Variants in WDR37 observed in about 807,000 individuals in gnomAD.
The protein encoded by WDR37 is WD repeat-containing protein 37.
In WDR37, 19 loss-of-function variants were observed where a neutral mutation model predicts 62.9. The observed-to-expected ratio is 0.30, with a 90% confidence interval of 0.21 to 0.44. The LOEUF (loss-of-function observed/expected upper bound fraction) is 0.44, where lower values mean the gene tolerates loss of function less well. Among genes scored for constraint, WDR37 ranks in the 20% least tolerant of loss-of-function variants. The pLI is 1.00. For synonymous variants in WDR37, 250 were observed against 260.9 expected (o/e 0.96, Z 0.40); for missense variants, 474 against 657.6 (o/e 0.72, Z 3.05).
Position 1,130,748 on chromosome 10 carries a change from A to T in WDR37, c.*1404A>T, listed in dbSNP as rs1275167066. ...CTGTTTTACGGTGAGGTAGGAGGGA[A>T]CCCATCTGGGGACCGGTAGGTGCAG... On this transcript the variant is annotated 3_prime_UTR_variant, in exon 14 of 14. Transcript: ENST00000263150. 5 of 152,186 alleles carry T rather than the reference A, an allele frequency of 3.3e-5. No individual in the cohort carries two copies. The highest frequency in any genetic ancestry group is 1.3e-4 in the Admixed American group (2 of 15,292). 9.4% of individuals were successfully genotyped at this position (152,186 alleles called of 1,614,324 possible). A position where few individuals can be genotyped will look rare whatever the true frequency, so the allele number is the denominator to read the frequency against.
intron 11 of WDR37, among the ~76,000 whole-genome samples, chr10:1,115,713 C>G (rs1079390): frequency 6.6e-6 from 1 of 152,114 alleles, no homozygotes; most frequent in African/African-American, 2.4e-5. Context: ...CGCATGTGGT[C>G]TCTAAATCAG....
chr10:1,070,482 A>G (rs767716477), intron 1 of WDR37, among the ~76,000 whole-genome samples: 1 of 152,202 alleles, frequency 6.6e-6, no homozygotes, highest in Non-Finnish European at 1.5e-5. Context: ...GACATTTAGA[A>G]GAGATATTTA....
At chr10:1,084,258 C>T in intron 5 of WDR37, 145 bp from the exon 6 acceptor site, 1 of 1,098,100 alleles carries the variant, frequency 9.1e-7, no homozygotes, top group Non-Finnish European at 1.3e-6. Context: ...TTTCAGCTCA[C>T]ACTTGCGCTG....
rs530413939 is a variant in WDR37 at position 1,103,874 on chromosome 10, G to A, written c.961+38G>A. On this transcript the variant is annotated intron_variant, in intron 10 of 13. Coordinates refer to ENST00000263150, the MANE Select transcript of WDR37 (RefSeq NM_014023.4). This position sits in a 1 kb window ranked among gnomAD's most constrained non-coding sequence, Gnocchi z 6.3. Reference sequence around the variant, plus strand: ...TCTGAGTCCGCCGCCTCCTGGCTGTGCATGTTAGTTTATGTCCATGGGTTA... The same window carrying A: ...TCTGAGTCCGCCGCCTCCTGGCTGTACATGTTAGTTTATGTCCATGGGTTA... The A allele has an allele frequency of 4.4e-6, 7 of 1,599,952 alleles. No individual in the cohort carries two copies. The East Asian group carries it at 1.6e-4, about 36-fold the overall frequency.
At chr10:1,057,404 T>G (rs1399186684) in intron 1 of WDR37, among the ~76,000 whole-genome samples, 1 of 151,960 alleles carries the variant, frequency 6.6e-6, no homozygotes, top group Non-Finnish European at 1.5e-5. Flanking sequence ...GAAGTGCGTC[T>G]CCAGGGAAGC....
rs1308400349 is a variant in WDR37 at position 1,103,059 on chromosome 10, T to G, written c.727-543T>G. ...TATTTGTTGGATGAATATACAGATT[T>G]TCTTACAGAGCTGGCTGTAATGTGT... is the stretch of plus-strand genomic sequence containing the variant. On this transcript the variant is annotated intron_variant, in intron 9 of 13. Transcript: ENST00000263150. The surrounding 1 kb of genome is among the most constrained non-coding windows in gnomAD (Gnocchi z 6.3). Among the ~76,000 whole-genome samples, 7 of 152,260 alleles carry G rather than the reference T, an allele frequency of 4.6e-5. No individual in the cohort carries two copies. The East Asian group carries it at 1.3e-3, about 29-fold the overall frequency.
chr10:1,073,140 A>G (rs553121066), intron 2 of WDR37, among the ~76,000 whole-genome samples: 2 of 152,330 alleles, frequency 1.3e-5, no homozygotes, highest in South Asian at 4.1e-4. Context: ...GAATTTTTAA[A>G]GAGTGTTGTG....
At chr10:1,100,353 A>G (rs1313876853) in intron 9 of WDR37, among the ~76,000 whole-genome samples, 1 of 152,224 alleles carries the variant, frequency 6.6e-6, no homozygotes, top group Non-Finnish European at 1.5e-5. Flanking sequence ...GTGGACGGCC[A>G]GGTCCCTGCA....
chr10:1,103,515 G>T lies in WDR37; in HGVS notation c.727-87G>T. 7.2e-7 allele frequency: 1 copy of T among 1,386,730 alleles called. No homozygotes were observed. The highest frequency in any genetic ancestry group is 1.3e-5 in the South Asian group (1 of 79,186). 85.9% of individuals were successfully genotyped at this position (1,386,730 alleles called of 1,614,324 possible). On this transcript the variant is annotated intron_variant, in intron 9 of 13. Transcript: ENST00000263150. The surrounding 1 kb of genome is among the most constrained non-coding windows in gnomAD (Gnocchi z 6.3). Reference sequence around the variant, plus strand: ...ATGGATATGTCCTCAAGAGATTAATGAGAACCATCTATTTTGTAGCTATGT... The same window carrying T: ...ATGGATATGTCCTCAAGAGATTAATTAGAACCATCTATTTTGTAGCTATGT...
intron 1 of WDR37, among the ~76,000 whole-genome samples, chr10:1,060,569 T>C (rs547736783): frequency 5.9e-5 from 9 of 152,334 alleles, no homozygotes; most frequent in Admixed American, 4.6e-4. Flanking sequence ...AATAATTACG[T>C]TTTGGAATCT....
intron 5 of WDR37, among the ~76,000 whole-genome samples, chr10:1,080,834 A>C (rs936074723): frequency 6.6e-6 from 1 of 151,562 alleles, no homozygotes; most frequent in Non-Finnish European, 1.5e-5. Context: ...TAAGCCTGGG[A>C]GGTGGAGGTT....
At chr10:1,124,682 GTGTGTGTGTGTATT>G (rs1319431142) in intron 12 of WDR37, among the ~76,000 whole-genome samples, 1 of 141,530 alleles carries the variant, frequency 7.1e-6, no homozygotes, top group Non-Finnish European at 1.5e-5. Flanking sequence ...GTGTGTGTGT[GTGTGTGTGTGTATT>G]GTGTGTATGT....
chr10:1,079,091 G>T lies in WDR37; in HGVS notation c.236-920G>T, dbSNP rs57505193. On this transcript the variant is annotated intron_variant, in intron 3 of 13. Coordinates refer to ENST00000263150, the MANE Select transcript of WDR37 (RefSeq NM_014023.4). ...AGGGAAAAATCATTTCAACTTTTTT[G>T]TTTTTTTTTTTGAGACAAAATCTTG... Among the ~76,000 whole-genome samples, 862 of 147,864 alleles carry T rather than the reference G, an allele frequency of 5.8e-3. 10 individuals carry two copies. The highest frequency in any genetic ancestry group is 0.02 in the African/African-American group (813 of 40,322).
rs111418637 is a variant in WDR37, at chr10:1,077,802, C to CA, written c.139-101dup. 61 of 837,196 alleles carry CA rather than the reference C, an allele frequency of 7.3e-5. 1 individual carries two copies. Among genetic ancestry groups the CA allele is most frequent in the African/African-American group, 5.7e-4 (32 of 56,396 alleles). The allele number at this position is 837,196 out of a possible 1,614,324, so 51.9% of individuals were successfully genotyped here. On this transcript the variant is annotated intron_variant, in intron 2 of 13. Coordinates refer to ENST00000263150, the MANE Select transcript of WDR37 (RefSeq NM_014023.4). ...TTATATATAAAAATATGTAATAATA[C>CA]AAAATAAGAGTTTACAATAAAAGAT... is the stretch of plus-strand genomic sequence containing the variant.
chr10:1,108,424 C>T (rs1474753415), intron 11 of WDR37, among the ~76,000 whole-genome samples: 1 of 152,224 alleles, frequency 6.6e-6, no homozygotes, highest in Non-Finnish European at 1.5e-5. Context: ...AAGTGCCCCT[C>T]TGCTGTGCTA....
chr10:1,099,837 T>G (rs1005743502), intron 9 of WDR37, among the ~76,000 whole-genome samples: 2 of 146,642 alleles, frequency 1.4e-5, no homozygotes, highest in Non-Finnish European at 1.5e-5. Context: ...GGTGGAGAGG[T>G]GAGGAGGGTG....
In WDR37 at chr10:1,093,493, A is replaced by C; in HGVS notation, c.646A>C (p.Thr216Pro). 6.2e-7 allele frequency: 1 copy of C among 1,607,866 alleles called. No homozygotes were observed. Among genetic ancestry groups the C allele is most frequent in the Non-Finnish European group, 8.5e-7 (1 of 1,177,416 alleles). ...TCATCCCTCAGAGCAGTTGGCTCTC[A>C]CTGGTATGTTGATTTTTTTCTTTAT... ...KFHPSEQLAL[T>P]ASGDQTAHIW... is the part of the protein sequence containing the mutation. Residue 216 changes from threonine (T) to proline (P), a missense_variant, in exon 8 of 14, where the codon ACT (threonine) becomes CCT (proline). Coordinates refer to ENST00000263150, the MANE Select transcript of WDR37 (RefSeq NM_014023.4).
At chr10:1,098,295 C>T (rs1394865157) in intron 9 of WDR37, among the ~76,000 whole-genome samples, 6 of 150,824 alleles carry the variant, frequency 4.0e-5, no homozygotes, top group African/African-American at 7.3e-5. Flanking sequence ...TGTGTGTGCA[C>T]GCTCTCTTTC....
chr10:1,088,997 T>C (rs1485161462), intron 7 of WDR37, among the ~76,000 whole-genome samples: 1 of 152,184 alleles, frequency 6.6e-6, no homozygotes, highest in African/African-American at 2.4e-5. Flanking sequence ...AAGCCTTGAT[T>C]GACTTAAGGG....
Sources: allele counts gnomAD v4.1 joint callset (sites outside exome capture counted in the v4.1 genomes callset), GRCh38; gene constraint gnomAD v4.1.1; non-coding constraint Gnocchi (gnomAD v3.1); transcripts MANE v1.5; gene names NCBI Gene and HGNC (gene_info 2026-07-23, HGNC 2026-07-21).